AGBL4: variants seen among roughly 807,000 people sequenced by gnomAD.
AGBL4 encodes AGBL carboxypeptidase 4, also known as cytosolic carboxypeptidase 6.
In AGBL4, 58 loss-of-function variants were observed where a neutral mutation model predicts 66.4. The ratio of observed to expected loss-of-function variants is 0.87; its 90% CI spans 0.71 to 1.09. The LOEUF (loss-of-function observed/expected upper bound fraction) is 1.09, where lower values mean the gene tolerates loss of function less well. AGBL4 is among the 50% of genes least tolerant of loss of function. AGBL4 has a pLI of 0.00. For missense variants in AGBL4, 579 were observed against 631.0 expected, an observed-to-expected ratio of 0.92 and a Z score of 0.88; for synonymous variants, 234 against 222.9, an observed-to-expected ratio of 1.05 and a Z score of -0.44.
chr1:49,360,126 A>G (rs1644107125), intron 3 of AGBL4, among the ~76,000 whole-genome samples: 1 of 152,150 alleles, frequency 6.6e-6, no homozygotes, highest in Non-Finnish European at 1.5e-5. Flanking sequence ...GCTTTTTCTG[A>G]TGCTTTGGTC....
intron 6 of AGBL4, among the ~76,000 whole-genome samples, chr1:48,720,755 A>T (rs1647133352): frequency 6.6e-6 from 1 of 152,162 alleles, no homozygotes. Flanking sequence ...CCTGCAGTTC[A>T]CTGACAGCCT....
chr1:49,284,791 G>T (rs1487270630), intron 3 of AGBL4, among the ~76,000 whole-genome samples: 2 of 150,890 alleles, frequency 1.3e-5, no homozygotes, highest in Non-Finnish European at 3.0e-5. Context: ...ATTACATAAT[G>T]GTAAAGGGAT....
intron 11 of AGBL4, among the ~76,000 whole-genome samples, chr1:48,543,014 G>A (rs1205391914): frequency 6.6e-6 from 1 of 152,100 alleles, no homozygotes; most frequent in East Asian, 1.9e-4. Flanking sequence ...AGAAGATAAG[G>A]GATTTCCCCA....
intron 3 of AGBL4, among the ~76,000 whole-genome samples, chr1:49,629,397 C>T (rs1434445820): frequency 6.6e-6 from 1 of 152,278 alleles, no homozygotes; most frequent in Non-Finnish European, 1.5e-5. Flanking sequence ...CATTGAAGAG[C>T]TCCACTTGGT....
At chr1:48,709,971 G>A (rs1646940220) in intron 6 of AGBL4, among the ~76,000 whole-genome samples, 1 of 152,126 alleles carries the variant, frequency 6.6e-6, no homozygotes. Context: ...CATGAAATAG[G>A]TCCTGTTGTA....
At chr1:49,655,542 A>G (rs567294749) in intron 3 of AGBL4, among the ~76,000 whole-genome samples, 2 of 152,320 alleles carry the variant, frequency 1.3e-5, no homozygotes, top group Non-Finnish European at 2.9e-5. Context: ...TCTCTGGGAC[A>G]CACTTAAAGC....
chr1:49,047,637 C>A (rs1644111978), intron 4 of AGBL4, among the ~76,000 whole-genome samples: 1 of 152,086 alleles, frequency 6.6e-6, no homozygotes, highest in African/African-American at 2.4e-5. Context: ...TCCTTCTGTA[C>A]ATGCAGTATA....
At chr1:49,686,329 CT>C in intron 3 of AGBL4, among the ~76,000 whole-genome samples, 1 of 152,300 alleles carries the variant, frequency 6.6e-6, no homozygotes, top group South Asian at 2.1e-4. Flanking sequence ...ACCTCGGCTC[CT>C]CCAGCACAGT....
chr1:48,752,574 C>T (rs1410230180), intron 6 of AGBL4, among the ~76,000 whole-genome samples: 1 of 152,150 alleles, frequency 6.6e-6, no homozygotes, highest in Non-Finnish European at 1.5e-5. Context: ...AAGATTAAGA[C>T]ATCCCAGACC....
At chr1:49,433,442 G>T (rs957981409) in intron 3 of AGBL4, among the ~76,000 whole-genome samples, 1 of 152,168 alleles carries the variant, frequency 6.6e-6, no homozygotes, top group Admixed American at 6.6e-5. Context: ...TGCTTGCTTG[G>T]TGTGTGGGGA....
At chr1:48,813,054 TA>T (rs1270477346) in intron 6 of AGBL4, among the ~76,000 whole-genome samples, 1 of 151,684 alleles carries the variant, frequency 6.6e-6, no homozygotes, top group Non-Finnish European at 1.5e-5. Flanking sequence ...GGCACATGTA[TA>T]CATATGTAAC....
chr1:49,341,833 C>T (rs910677795), intron 3 of AGBL4, among the ~76,000 whole-genome samples: 2 of 152,178 alleles, frequency 1.3e-5, no homozygotes, highest in African/African-American at 4.8e-5. Flanking sequence ...ACCCTGAGCA[C>T]CTCGCCTCCC....
intron 3 of AGBL4, among the ~76,000 whole-genome samples, chr1:49,557,837 C>A (rs991945306): frequency 7.9e-5 from 12 of 151,832 alleles, no homozygotes; most frequent in Non-Finnish European, 1.2e-4. Flanking sequence ...CCTCCCCTAA[C>A]CCAAGGCTGC....
intron 4 of AGBL4, among the ~76,000 whole-genome samples, chr1:49,160,368 A>G (rs1300538791): frequency 1.3e-5 from 2 of 152,030 alleles, no homozygotes; most frequent in African/African-American, 2.4e-5. Flanking sequence ...TCCAGACCCT[A>G]TTTGCCTGGA....
chr1:49,002,906 G>T (rs934557225), intron 5 of AGBL4, among the ~76,000 whole-genome samples: 1 of 152,170 alleles, frequency 6.6e-6, no homozygotes, highest in Admixed American at 6.5e-5. Context: ...GCTCTGCAGG[G>T]TTGTGTATAG....
chr1:49,043,604 A>T (rs1644002424), intron 5 of AGBL4, among the ~76,000 whole-genome samples: 1 of 152,184 alleles, frequency 6.6e-6, no homozygotes, highest in South Asian at 2.1e-4. Flanking sequence ...AATTATCCTA[A>T]TTTGAGGCTG....
At chr1:48,817,686 C>G (rs187720687) in intron 6 of AGBL4, 23 of 230,078 alleles carry the variant, frequency 1.0e-4, no homozygotes. Flanking sequence ...GCTGACCATA[C>G]AGGCTGGCTC....
intron 3 of AGBL4, among the ~76,000 whole-genome samples, chr1:49,280,821 C>G (rs1208971210): frequency 6.6e-6 from 1 of 152,130 alleles, no homozygotes; most frequent in African/African-American, 2.4e-5. Flanking sequence ...ATACATTGTT[C>G]TTGTCTTCAA....
intron 3 of AGBL4, among the ~76,000 whole-genome samples, chr1:49,362,217 G>C (rs1244913473): frequency 6.6e-6 from 1 of 151,916 alleles, no homozygotes; most frequent in Non-Finnish European, 1.5e-5. Context: ...ACCCAGATGT[G>C]GGTTTCATCT....
Sources: gnomAD v4.1 joint callset for allele counts (sites outside exome capture counted in the v4.1 genomes callset) on GRCh38, gnomAD v4.1.1 for gene constraint, MANE v1.5 for transcripts, NCBI Gene and HGNC (gene_info 2026-07-23, HGNC 2026-07-21) for gene names.